RBFOX1: variants seen among roughly 807,000 people sequenced by gnomAD.
RBFOX1 encodes RNA binding protein fox-1 homolog 1.
In RBFOX1, 8 loss-of-function variants were observed where a neutral mutation model predicts 57.7. That is an observed-to-expected ratio of 0.14 (90% CI 0.08 to 0.25). The LOEUF is 0.25. RBFOX1 is among the 10% of genes least tolerant of loss of function. The pLI is 1.00. For missense variants in RBFOX1, 611 were observed against 548.5 expected (o/e 1.11, Z -1.14); for synonymous variants, 326 against 222.4 (o/e 1.47, Z -4.15).
chr16:6,434,447 G>A (rs1034728317), intron 2 of RBFOX1, among the ~76,000 whole-genome samples: 3 of 151,966 alleles, frequency 2.0e-5, no homozygotes, highest in African/African-American at 7.3e-5. Flanking sequence ...TTTTTCCCCC[G>A]TGCCTGACTC....
At chr16:5,422,541 G>A (rs546856000) in intron 1 of RBFOX1, among the ~76,000 whole-genome samples, 2 of 82,660 alleles carry the variant, frequency 2.4e-5, no homozygotes, top group African/African-American at 5.2e-5. Context: ...GCGCATGAGG[G>A]GGGCAGGGAG....
intron 1 of RBFOX1, among the ~76,000 whole-genome samples, chr16:6,116,990 G>T (rs2096503207): frequency 6.6e-6 from 1 of 152,174 alleles, no homozygotes; most frequent in Admixed American, 6.6e-5. Context: ...CCTTTCAAGA[G>T]CTAGAGTATT....
chr16:6,157,124 C>A (rs1460996841), intron 1 of RBFOX1, among the ~76,000 whole-genome samples: 1 of 152,026 alleles, frequency 6.6e-6, no homozygotes, highest in African/African-American at 2.4e-5. Context: ...TGTGAGCCAA[C>A]ACCCCTCTAA....
intron 4 of RBFOX1, among the ~76,000 whole-genome samples, chr16:7,248,777 A>C (rs372209956): frequency 1.3e-5 from 2 of 152,220 alleles, no homozygotes; most frequent in East Asian, 3.8e-4. Flanking sequence ...ATGTCTAGGC[A>C]GAGATATATC....
intron 2 of RBFOX1, among the ~76,000 whole-genome samples, chr16:5,498,667 T>C (rs2043084934): frequency 6.6e-6 from 1 of 152,194 alleles, no homozygotes. Flanking sequence ...AAGATGGGGA[T>C]AAGCATTTGA....
chr16:5,744,903 G>C (rs559735046), intron 3 of RBFOX1, among the ~76,000 whole-genome samples: 1 of 152,252 alleles, frequency 6.6e-6, no homozygotes, highest in African/African-American at 2.4e-5. Flanking sequence ...GCCCAAAGTA[G>C]CGGGGATTAC....
chr16:7,622,617 G>A (rs1421628794), intron 10 of RBFOX1, among the ~76,000 whole-genome samples: 1 of 137,546 alleles, frequency 7.3e-6, no homozygotes, highest in African/African-American at 3.2e-5. Context: ...ACAAGAAGTG[G>A]TGTATTTTTT....
At chr16:5,750,397 C>G (rs1288045947) in intron 3 of RBFOX1, among the ~76,000 whole-genome samples, 8 of 152,180 alleles carry the variant, frequency 5.3e-5, no homozygotes, top group Non-Finnish European at 1.2e-4. Context: ...TCAAAGCTGT[C>G]AGACAGGGAC....
intron 3 of RBFOX1, among the ~76,000 whole-genome samples, chr16:5,674,197 C>A (rs1231568127): frequency 1.3e-5 from 2 of 152,136 alleles, no homozygotes; most frequent in African/African-American, 4.8e-5. Context: ...ACAGGTATAC[C>A]AAATGTTATT....
chr16:7,257,657 CTG>C (rs2094748823), intron 4 of RBFOX1, among the ~76,000 whole-genome samples: 1 of 152,216 alleles, frequency 6.6e-6, no homozygotes, highest in South Asian at 2.1e-4. Flanking sequence ...CAACCCTCCT[CTG>C]TAGCCATCCT....
At chr16:6,738,446 T>C (rs1378622193) in intron 3 of RBFOX1, among the ~76,000 whole-genome samples, 1 of 152,118 alleles carries the variant, frequency 6.6e-6, no homozygotes, top group African/African-American at 2.4e-5. Flanking sequence ...ATAGGAATTC[T>C]GAATGTGTAT....
intron 4 of RBFOX1, among the ~76,000 whole-genome samples, chr16:5,950,728 G>A (rs12446152): frequency 0.26 from 39,240 of 152,104 alleles, 5,341 homozygotes; most frequent in Middle Eastern, 0.4. Context: ...CACCTACTGG[G>A]TACTCATTTC....
At chr16:7,049,553 C>G (rs369672036) in intron 3 of RBFOX1, among the ~76,000 whole-genome samples, 1 of 152,268 alleles carries the variant, frequency 6.6e-6, no homozygotes, top group Non-Finnish European at 1.5e-5. Flanking sequence ...CAGAGTGCTT[C>G]TCCTGAGTCT....
intron 4 of RBFOX1, among the ~76,000 whole-genome samples, chr16:7,311,207 A>T (rs2096298550): frequency 6.6e-6 from 1 of 152,178 alleles, no homozygotes; most frequent in African/African-American, 2.4e-5. Context: ...TGTGGTCCTT[A>T]GCACTCAGCC....
chr16:5,800,974 G>A (rs2055037689), intron 3 of RBFOX1, among the ~76,000 whole-genome samples: 1 of 152,168 alleles, frequency 6.6e-6, no homozygotes, highest in African/African-American at 2.4e-5. Flanking sequence ...GGCTCCAAGA[G>A]GCAGGCTTAA....
chr16:7,067,184 A>G (rs1487170379), intron 4 of RBFOX1, among the ~76,000 whole-genome samples: 1 of 152,322 alleles, frequency 6.6e-6, no homozygotes, highest in East Asian at 1.9e-4. Context: ...CACCAAACCC[A>G]GAGGGTGATC....
intron 4 of RBFOX1, among the ~76,000 whole-genome samples, chr16:7,380,634 G>C (rs545127397): frequency 6.6e-6 from 1 of 152,344 alleles, no homozygotes; most frequent in African/African-American, 2.4e-5. Context: ...GACGCTGGCA[G>C]CAGCTCACAC....
intron 2 of RBFOX1, among the ~76,000 whole-genome samples, chr16:6,543,807 AC>A (rs1259765434): frequency 6.6e-6 from 1 of 152,116 alleles, no homozygotes; most frequent in African/African-American, 2.4e-5. Flanking sequence ...TACAGAGTCT[AC>A]CCTGGCAGAA....
chr16:5,982,568 G>A (rs1319838285), intron 4 of RBFOX1, among the ~76,000 whole-genome samples: 1 of 152,178 alleles, frequency 6.6e-6, no homozygotes, highest in Non-Finnish European at 1.5e-5. Context: ...GAGCCACTGT[G>A]CCCAGCCTGC....
Sources: gnomAD v4.1 joint callset for allele counts (sites outside exome capture counted in the v4.1 genomes callset) on GRCh38, gnomAD v4.1.1 for gene constraint, MANE v1.5 for transcripts, NCBI Gene and HGNC (gene_info 2026-07-23, HGNC 2026-07-21) for gene names.